MYO9B: variants seen among roughly 807,000 people sequenced by gnomAD.
MYO9B encodes the protein unconventional myosin-IXb.
In MYO9B, 71 loss-of-function variants were observed where a neutral mutation model predicts 229.5. The ratio of observed to expected loss-of-function variants is 0.31; its 90% CI spans 0.26 to 0.38. The LOEUF (loss-of-function observed/expected upper bound fraction) is 0.38. Ranked by LOEUF, MYO9B falls within the 10% of genes least tolerant of loss-of-function variation. The probability of loss-of-function intolerance (pLI) is 1.00; values close to 1 mark genes in which losing one functional copy is unlikely to be tolerated. For synonymous variants in MYO9B, 1,185 were observed against 1,235.8 expected, an observed-to-expected ratio of 0.96 and a Z score of 0.86; for missense variants, 2,255 against 2,920.5, an observed-to-expected ratio of 0.77 and a Z score of 5.25.
At chr19:17,206,806 C>T (rs1261932936) in intron 34 of MYO9B, 22 bp downstream of exon 34, 2 of 1,527,566 alleles carry the variant, frequency 1.3e-6, no homozygotes, top group Non-Finnish European at 8.9e-7. Flanking sequence ...CCCACCTGCC[C>T]TCTGTGGGGT....
chr19:17,209,832 C>A, intron 36 of MYO9B, 123 bp downstream of exon 36: 3 of 1,117,676 alleles, frequency 2.7e-6, no homozygotes, highest in Admixed American at 2.6e-5. Context: ...TGGGCGGGGC[C>A]TTGGGTGGGC....
chr19:17,096,450 A>G (rs1396065736), intron 1 of MYO9B, among the ~76,000 whole-genome samples: 1 of 151,962 alleles, frequency 6.6e-6, no homozygotes, highest in African/African-American at 2.4e-5. Context: ...GTGGAGTTCC[A>G]GACCAGCCTG....
chr19:17,159,940 T>C (rs568137607), intron 8 of MYO9B, among the ~76,000 whole-genome samples: 1 of 152,300 alleles, frequency 6.6e-6, no homozygotes, highest in South Asian at 2.1e-4. Context: ...GAAAAGAATT[T>C]GCCCATCCCT....
intron 38 of MYO9B, 129 bp downstream of exon 38, chr19:17,210,977 CTTTTTT>C (rs35355662): frequency 4.0e-4 from 134 of 334,214 alleles, no homozygotes; most frequent in Non-Finnish European, 4.7e-4. Flanking sequence ...GCAAACAACA[CTTTTTT>C]TTTTTTTTTT....
rs1414150950 is a variant in MYO9B, at chr19:17,101,976, C to A, written c.259C>A (p.Arg87=). ...GGACGCCAACGACTCGCCTGTGCAC[C>A]GGGTGCTGCTATGGCCCCGGCGGGC... ...VLDANDSPVH[R]VLLWPRRAQD... Residue 87 remains arginine, a synonymous_variant, in exon 2 of 40, where the codon CGG becomes AGG. Coordinates refer to ENST00000682292, the MANE Select transcript of MYO9B (RefSeq NM_004145.4). This position sits in a 1 kb window ranked among gnomAD's most constrained non-coding sequence, Gnocchi z 4.7. 1.2e-6 allele frequency: 2 copies of A among 1,613,232 alleles called. No individual in the cohort carries two copies. The highest frequency in any genetic ancestry group is 1.7e-6 in the Non-Finnish European group (2 of 1,179,848).
intron 20 of MYO9B, among the ~76,000 whole-genome samples, chr19:17,192,287 A>G (rs2072993860): frequency 6.8e-6 from 1 of 147,870 alleles, no homozygotes; most frequent in Non-Finnish European, 1.5e-5. Flanking sequence ...CCATCTCAAA[A>G]AAAAAAAAAA....
chr19:17,180,232 C>CAATAAATAAATAAATAAATA (rs80341285), intron 14 of MYO9B, among the ~76,000 whole-genome samples: 4 of 147,090 alleles, frequency 2.7e-5, no homozygotes, highest in African/African-American at 7.6e-5. Flanking sequence ...GACTCCGTCT[C>CAATAAATAAATAAATAAATA]AATAAATAAA....
At chr19:17,085,325 G>A (rs964026874) in intron 1 of MYO9B, among the ~76,000 whole-genome samples, 12 of 152,188 alleles carry the variant, frequency 7.9e-5, no homozygotes, top group African/African-American at 2.9e-4. Context: ...CAAGGGCTGG[G>A]TCACAGATGG....
chr19:17,140,008 C>T lies in MYO9B; in HGVS notation c.841-5389C>T, dbSNP rs548597112. Among the ~76,000 whole-genome samples, 12 of 151,012 alleles carry T rather than the reference C, an allele frequency of 7.9e-5. No homozygotes were observed. In the East Asian group the frequency reaches 2.4e-3, roughly 30 times the overall value. ...GTGAGCTGAGATCGCGCCATTGCAC[C>T]CCAGCCTGGGCAACAAGAGTGAAAC... On this transcript the variant is annotated intron_variant, in intron 2 of 39. Transcript: ENST00000682292.
At chr19:17,154,502 C>T in intron 6 of MYO9B, 87 bp downstream of exon 6, 1 of 1,003,710 alleles carries the variant, frequency 1.0e-6, no homozygotes. Flanking sequence ...GTCTAACCTG[C>T]AACCCAGTGA....
rs150286844 is a variant in MYO9B at position 17,143,082 on chromosome 19, T to C, written c.841-2315T>C. 3.1e-3 allele frequency among the ~76,000 whole-genome samples: 465 copies of C among 152,066 alleles called. 1 individual carries two copies. Among genetic ancestry groups the C allele is most frequent in the African/African-American group, 0.011 (437 of 41,490 alleles). ...GGGAAAACCCCGTCTCTACTAAAAA[T>C]GTAAAAGTTAGCCAGGCGTGGTGGT... On this transcript the variant is annotated intron_variant, in intron 2 of 39. Transcript: ENST00000682292.
chr19:17,159,402 G>A lies in MYO9B; in HGVS notation c.1337G>A (p.Arg446Gln), dbSNP rs767574380. The change falls in exon 8 of 40, where the codon CGA (arginine) becomes CAA (glutamine). Residue 446 changes from arginine (R) to glutamine (Q), a missense_variant. Physicochemically the swap from Arg to Gln is conservative, Grantham distance 43 (BLOSUM62 1). Coordinates refer to ENST00000682292, the MANE Select transcript of MYO9B (RefSeq NM_004145.4). ...TCCTTGACCTCCAAACAGGTGAAGC[G>A]AGAAATCTTGGTGGAGGTTCTGACC... Reference protein sequence around the residue: ...DTLSQLLKVKREILVEVLTKR... With the variant: ...DTLSQLLKVKQEILVEVLTKR... 1.6e-4 allele frequency: 249 copies of A among 1,605,454 alleles called. No individual in the cohort carries two copies. Among genetic ancestry groups the A allele is most frequent in the Non-Finnish European group, 2.0e-4 (235 of 1,175,978 alleles).
intron 2 of MYO9B, among the ~76,000 whole-genome samples, chr19:17,126,104 AT>A (rs1484183279): frequency 1.3e-5 from 2 of 151,708 alleles, no homozygotes; most frequent in African/African-American, 4.8e-5. Context: ...TAACCTCCTC[AT>A]TCCCTCGGCC....
At chr19:17,094,129 G>C (rs1017600163) in intron 1 of MYO9B, among the ~76,000 whole-genome samples, 6 of 152,070 alleles carry the variant, frequency 3.9e-5, no homozygotes, top group African/African-American at 1.4e-4. Context: ...TCCACCTCCC[G>C]AGTTCAAGGG....
intron 1 of MYO9B, among the ~76,000 whole-genome samples, chr19:17,090,758 G>A (rs1011500164): frequency 4.6e-5 from 7 of 152,118 alleles, no homozygotes; most frequent in African/African-American, 1.4e-4. Flanking sequence ...AGACAATTCG[G>A]TTTAAGGAAG....
intron 2 of MYO9B, among the ~76,000 whole-genome samples, chr19:17,107,240 AT>A (rs756652788): frequency 3.9e-5 from 6 of 152,164 alleles, no homozygotes; most frequent in Admixed American, 2.6e-4. Context: ...TCTCAAAAAA[AT>A]AACAAAAAAA....
chr19:17,204,576 G>T (rs1179524989), intron 30 of MYO9B, among the ~76,000 whole-genome samples: 1 of 151,916 alleles, frequency 6.6e-6, no homozygotes, highest in African/African-American at 2.4e-5. Flanking sequence ...AGGCACAGTG[G>T]CTCACACCTG....
At chr19:17,098,004 TTC>T (rs958185152) in intron 1 of MYO9B, among the ~76,000 whole-genome samples, 22 of 151,952 alleles carry the variant, frequency 1.4e-4, no homozygotes, top group African/African-American at 5.3e-4. Context: ...TCCTTTATTC[TTC>T]TACTCACCTC....
intron 1 of MYO9B, among the ~76,000 whole-genome samples, chr19:17,088,698 TGA>T (rs2057607782): frequency 6.6e-6 from 1 of 151,968 alleles, no homozygotes; most frequent in African/African-American, 2.4e-5. Flanking sequence ...TGTGTGTGTG[TGA>T]GAGAGAGAGA....
Sources: allele counts gnomAD v4.1 joint callset (sites outside exome capture counted in the v4.1 genomes callset), GRCh38; gene constraint gnomAD v4.1.1; non-coding constraint Gnocchi (gnomAD v3.1); transcripts MANE v1.5; gene names NCBI Gene and HGNC (gene_info 2026-07-23, HGNC 2026-07-21).